Variants in FBXL17 observed in about 807,000 individuals in gnomAD.
The protein encoded by FBXL17 is F-box and leucine rich repeat protein 17.
A neutral mutation model predicts 66.2 loss-of-function variants in FBXL17; 22 were observed. The observed-to-expected ratio is 0.33, with a 90% CI of 0.24 to 0.47. The LOEUF (loss-of-function observed/expected upper bound fraction) is 0.47, where lower values mean the gene tolerates loss of function less well. Among genes scored for constraint, FBXL17 ranks in the 20% least tolerant of loss-of-function variants. The pLI, the probability that FBXL17 is intolerant of heterozygous loss-of-function variation, is 1.00. For missense variants in FBXL17, 878 were observed against 948.2 expected, an observed-to-expected ratio of 0.93 and a Z score of 0.97; for synonymous variants, 474 against 400.5, an observed-to-expected ratio of 1.18 and a Z score of -2.19.
At chr5:107,880,315 G>A (rs1748745766) in intron 8 of FBXL17, 3 of 946,202 alleles carry the variant, frequency 3.2e-6, no homozygotes, top group Non-Finnish European at 3.8e-6. Context: ...CTGGGCTCAA[G>A]TGATCCTTCT....
At chr5:107,887,161 G>A (rs1749000896) in intron 7 of FBXL17, among the ~76,000 whole-genome samples, 1 of 152,190 alleles carries the variant, frequency 6.6e-6, no homozygotes, top group Admixed American at 6.6e-5. Flanking sequence ...AAGAGCATAC[G>A]TGAACTCTAC....
rs536053506 is a variant in FBXL17 at position 108,334,418 on chromosome 5, G to A, written c.1506+13981C>T. Among the ~76,000 whole-genome samples, 261 of 152,222 alleles carry A rather than the reference G, an allele frequency of 1.7e-3. 2 individuals carry two copies. The highest frequency in any genetic ancestry group is 2.7e-3 in the Non-Finnish European group (181 of 68,012). ...GTCTAGTAATGACTTCCCCCTCATA[G>A]ACCCTACCTCACATCTGTCAGAAAG... On this transcript the variant is annotated intron_variant, in intron 4 of 8. Coordinates refer to ENST00000542267, the MANE Select transcript of FBXL17 (RefSeq NM_001163315.3).
At chr5:107,959,417 C>CAG (rs1554052537) in intron 7 of FBXL17, among the ~76,000 whole-genome samples, 45 of 145,490 alleles carry the variant, frequency 3.1e-4, no homozygotes, top group Non-Finnish European at 5.0e-4. Context: ...CACACACACA[C>CAG]AGGCAACACT....
At chr5:108,328,746 A>G (rs1759982135) in intron 4 of FBXL17, among the ~76,000 whole-genome samples, 2 of 152,050 alleles carry the variant, frequency 1.3e-5, no homozygotes, top group Admixed American at 1.3e-4. Context: ...TCTTTCTTAT[A>G]TATCTCAATA....
At chr5:108,196,515 A>G (rs994435356) in intron 5 of FBXL17, among the ~76,000 whole-genome samples, 4 of 152,204 alleles carry the variant, frequency 2.6e-5, no homozygotes, top group Non-Finnish European at 4.4e-5. Context: ...AAAGGAAGCT[A>G]CTGCAGGTCA....
chr5:108,085,277 T>C (rs192404829), intron 6 of FBXL17, among the ~76,000 whole-genome samples: 4 of 152,304 alleles, frequency 2.6e-5, no homozygotes, highest in Admixed American at 2.6e-4. Flanking sequence ...TGCAGCTTGG[T>C]CTAGAGTTCT....
chr5:108,340,631 G>C (rs760437959), intron 4 of FBXL17, among the ~76,000 whole-genome samples: 1 of 152,082 alleles, frequency 6.6e-6, no homozygotes, highest in Non-Finnish European at 1.5e-5. Context: ...CATCATTAAT[G>C]TGCTAACTAG....
chr5:108,001,784 G>A (rs1753739849), intron 7 of FBXL17, among the ~76,000 whole-genome samples: 2 of 151,906 alleles, frequency 1.3e-5, no homozygotes, highest in Non-Finnish European at 2.9e-5. Flanking sequence ...ATAGGTGTGA[G>A]CCACCGTGCC....
intron 4 of FBXL17, among the ~76,000 whole-genome samples, chr5:108,268,657 T>C (rs1349213588): frequency 6.6e-6 from 1 of 152,060 alleles, no homozygotes; most frequent in Non-Finnish European, 1.5e-5. Flanking sequence ...AAGAAACGCA[T>C]TTTCTTTAAA....
At chr5:108,313,770 T>C (rs181158682) in intron 4 of FBXL17, among the ~76,000 whole-genome samples, 32 of 152,082 alleles carry the variant, frequency 2.1e-4, no homozygotes, top group African/African-American at 7.7e-4. Flanking sequence ...TATCTGTACG[T>C]TGTAGTCATT....
At chr5:108,117,987 G>C (rs992673528) in intron 6 of FBXL17, among the ~76,000 whole-genome samples, 14 of 152,090 alleles carry the variant, frequency 9.2e-5, no homozygotes, top group Non-Finnish European at 2.1e-4. Flanking sequence ...GAAAAAGCAG[G>C]AGATGGAGGG....
chr5:108,091,189 C>T (rs886426394), intron 6 of FBXL17, among the ~76,000 whole-genome samples: 1 of 152,210 alleles, frequency 6.6e-6, no homozygotes, highest in East Asian at 1.9e-4. Context: ...GAACAAAATA[C>T]AGAAACAAAG....
At chr5:107,896,968 A>G (rs1281060970) in intron 7 of FBXL17, among the ~76,000 whole-genome samples, 1 of 152,110 alleles carries the variant, frequency 6.6e-6, no homozygotes, top group African/African-American at 2.4e-5. Context: ...ATAATTTAAG[A>G]AAAAAGTGAA....
rs1748062555 is a variant in FBXL17, at chr5:107,859,452, T to G, written c.*2268A>C. On this transcript the variant is annotated 3_prime_UTR_variant, in exon 9 of 9. Coordinates refer to ENST00000542267, the MANE Select transcript of FBXL17 (RefSeq NM_001163315.3). ...GCTTTGAGGCTGGATATGGTATTTC[T>G]ACGGATTTCTACAAATGTACCAAAG... 7.1e-6 allele frequency: 1 copy of G among 141,692 alleles called. No individual in the cohort carries two copies. The highest frequency in any genetic ancestry group is 1.5e-5 in the Non-Finnish European group (1 of 66,058). The allele number at this position is 141,692 out of a possible 1,614,324, so 8.8% of individuals were successfully genotyped here. A position where few individuals can be genotyped will look rare whatever the true frequency, so the allele number is the denominator to read the frequency against.
At chr5:107,914,384 C>T (rs1009865550) in intron 7 of FBXL17, among the ~76,000 whole-genome samples, 2 of 152,196 alleles carry the variant, frequency 1.3e-5, no homozygotes, top group African/African-American at 4.8e-5. Flanking sequence ...GCAGGATAAA[C>T]TTTCCCCAAC....
At chr5:107,994,350 A>G (rs1753380711) in intron 7 of FBXL17, among the ~76,000 whole-genome samples, 1 of 152,046 alleles carries the variant, frequency 6.6e-6, no homozygotes, top group African/African-American at 2.4e-5. Context: ...ACTGCTTTAA[A>G]TCAGAATAAT....
chr5:108,239,057 T>A (rs1755734242), intron 4 of FBXL17, among the ~76,000 whole-genome samples: 1 of 151,852 alleles, frequency 6.6e-6, no homozygotes, highest in Non-Finnish European at 1.5e-5. Context: ...TAATATAACT[T>A]TGACATTTTT....
At chr5:107,907,171 T>C (rs2112541060) in intron 7 of FBXL17, among the ~76,000 whole-genome samples, 1 of 152,316 alleles carries the variant, frequency 6.6e-6, no homozygotes, top group South Asian at 2.1e-4. Context: ...CCATTTACAC[T>C]TCACACATTG....
intron 6 of FBXL17, among the ~76,000 whole-genome samples, chr5:108,120,551 C>A (rs1002247993): frequency 1.1e-4 from 16 of 152,094 alleles, no homozygotes; most frequent in African/African-American, 3.4e-4. Flanking sequence ...TTCACTGGGG[C>A]TGGGTGCAGT....
Sources: gnomAD v4.1 joint callset for allele counts (sites outside exome capture counted in the v4.1 genomes callset) on GRCh38, gnomAD v4.1.1 for gene constraint, MANE v1.5 for transcripts, NCBI Gene and HGNC (gene_info 2026-07-23, HGNC 2026-07-21) for gene names.